Variants in PSD3 observed in about 807,000 individuals in gnomAD.
PSD3 encodes the protein PH and SEC7 domain-containing protein 3.
In PSD3, 49 loss-of-function variants were observed where a neutral mutation model predicts 105.5. The observed-to-expected ratio is 0.46, with a 90% confidence interval of 0.37 to 0.59. PSD3 has a LOEUF of 0.59. PSD3 is among the 20% of genes least tolerant of loss of function. PSD3 has a pLI of 0.00. For missense variants in PSD3, 1,561 were observed against 1,263.8 expected (o/e 1.24, Z -3.57); for synonymous variants, 557 against 457.8 (o/e 1.22, Z -2.77).
At chr8:18,984,688 T>A (rs1211079422) in intron 1 of PSD3, among the ~76,000 whole-genome samples, 1 of 152,224 alleles carries the variant, frequency 6.6e-6, no homozygotes, top group Non-Finnish European at 1.5e-5. Flanking sequence ...TTGAGGTTTT[T>A]AAATTTTTTC....
At chr8:18,836,218 T>C (rs556255201) in intron 4 of PSD3, among the ~76,000 whole-genome samples, 4 of 152,316 alleles carry the variant, frequency 2.6e-5, no homozygotes, top group South Asian at 2.1e-4. Context: ...TCACGTTTGA[T>C]GCAGCAGTTA....
At chr8:18,748,317 T>C (rs1344508758) in intron 9 of PSD3, among the ~76,000 whole-genome samples, 2 of 152,132 alleles carry the variant, frequency 1.3e-5, no homozygotes, top group African/African-American at 4.8e-5. Context: ...TTAAAGCTTA[T>C]AAATAAATTA....
intron 1 of PSD3, among the ~76,000 whole-genome samples, chr8:19,065,269 C>G (rs1258855508): frequency 1.3e-5 from 2 of 152,162 alleles, no homozygotes; most frequent in African/African-American, 4.8e-5. Flanking sequence ...CAGAAGATTT[C>G]TGTGACCAAA....
rs1167852627 is a variant in PSD3, at chr8:18,590,825, T to C, written c.2481+9539A>G. ...CAGAAGAAACAAAACCATAATTACA[T>C]ATCATTTCACAGTCACCAAATACCA... On this transcript the variant is annotated intron_variant, in intron 12 of 15. Transcript: ENST00000327040. Among the ~76,000 whole-genome samples, 4 of 152,290 alleles carry C rather than the reference T, an allele frequency of 2.6e-5. No individual in the cohort carries two copies. The South Asian group carries it at 6.2e-4, about 24-fold the overall frequency.
chr8:18,996,603 A>C (rs1180823409), intron 1 of PSD3, among the ~76,000 whole-genome samples: 2 of 151,884 alleles, frequency 1.3e-5, no homozygotes, highest in African/African-American at 4.8e-5. Context: ...TACTACATGA[A>C]GCATCATATT....
intron 1 of PSD3, among the ~76,000 whole-genome samples, chr8:19,010,873 A>G (rs552723674): frequency 1.3e-5 from 2 of 151,962 alleles, no homozygotes; most frequent in East Asian, 3.9e-4. Context: ...ACTCTTAGCA[A>G]AGGGAAGCCA....
intron 14 of PSD3, among the ~76,000 whole-genome samples, chr8:18,560,659 T>C (rs1237794160): frequency 6.6e-6 from 1 of 152,184 alleles, no homozygotes; most frequent in Admixed American, 6.5e-5. Flanking sequence ...CAACATTTTA[T>C]CTAAAAGGCA....
intron 1 of PSD3, among the ~76,000 whole-genome samples, chr8:18,946,268 A>T (rs34928360): frequency 6.6e-6 from 1 of 152,036 alleles, no homozygotes; most frequent in Non-Finnish European, 1.5e-5. Context: ...CATGTGTAGC[A>T]TTTTTTTCCT....
intron 1 of PSD3, among the ~76,000 whole-genome samples, chr8:19,083,196 A>C (rs1292077058): frequency 6.6e-6 from 1 of 152,024 alleles, no homozygotes; most frequent in Admixed American, 6.6e-5. Flanking sequence ...CCTCACCTCC[A>C]CCCTCATGCT....
intron 4 of PSD3, among the ~76,000 whole-genome samples, chr8:18,823,712 T>C (rs899252984): frequency 6.6e-6 from 1 of 151,958 alleles, no homozygotes; most frequent in Non-Finnish European, 1.5e-5. Flanking sequence ...CCTAAGTTTT[T>C]GGGAAAATGA....
At chr8:18,936,217 A>C in intron 1 of PSD3, 75 bp from the exon 2 acceptor site, 1 of 945,900 alleles carries the variant, frequency 1.1e-6, no homozygotes, top group Non-Finnish European at 1.7e-6. Context: ...AAATTATCCA[A>C]CATGAGATTG....
At chr8:18,741,369 T>G (rs1804561181) in intron 9 of PSD3, among the ~76,000 whole-genome samples, 1 of 152,200 alleles carries the variant, frequency 6.6e-6, no homozygotes, top group Non-Finnish European at 1.5e-5. Context: ...TTAACCAAGA[T>G]GATGTGACTC....
chr8:18,723,762 G>A (rs1365022828), intron 9 of PSD3, among the ~76,000 whole-genome samples: 1 of 152,122 alleles, frequency 6.6e-6, no homozygotes, highest in African/African-American at 2.4e-5. Context: ...TGAAAGCCAA[G>A]TACATAAAAA....
Position 18,559,262 on chromosome 8 carries a change from A to C in PSD3, c.2785-2910T>G, listed in dbSNP as rs376269150. Among the ~76,000 whole-genome samples the C allele has an allele frequency of 2.0e-4, 30 of 152,304 alleles. No individual in the cohort carries two copies. The East Asian group carries it at 3.9e-3, about 20-fold the overall frequency. On this transcript the variant is annotated intron_variant, in intron 14 of 15. Coordinates refer to ENST00000327040, the MANE Select transcript of PSD3 (RefSeq NM_015310.4). ...GGTCTGAAAGTTCTCTTTGTTTTAC[A>C]TTCTTGTCAAAATGTGATGTTATTA...
At chr8:18,972,185 T>C (rs191458899) in intron 1 of PSD3, among the ~76,000 whole-genome samples, 25 of 152,254 alleles carry the variant, frequency 1.6e-4, no homozygotes, top group Admixed American at 1.2e-3. Flanking sequence ...ACAAACCAAA[T>C]AGAGTGTCCT....
In PSD3 at chr8:18,532,108, T is replaced by C. The variant is rs1487481778; in HGVS notation, c.*3635A>G. 2 of 152,226 alleles carry C rather than the reference T, an allele frequency of 1.3e-5. No individual in the cohort carries two copies. Among genetic ancestry groups the C allele is most frequent in the Non-Finnish European group, 2.9e-5 (2 of 68,028 alleles). 9.4% of individuals were successfully genotyped at this position (152,226 alleles called of 1,614,324 possible). A position where few individuals can be genotyped will look rare whatever the true frequency, so the allele number is the denominator to read the frequency against. On this transcript the variant is annotated 3_prime_UTR_variant, in exon 16 of 16. Transcript: ENST00000327040. ...ACGTCAATTTTCTTCCAATTGTCAA[T>C]GATTAGTTAAAAAGAAAAGAGTGCA...
chr8:19,013,606 G>A lies in PSD3; in HGVS notation c.-23C>T, dbSNP rs753363228. On this transcript the variant is annotated 5_prime_UTR_variant, in exon 1 of 16. Coordinates refer to ENST00000327040, the MANE Select transcript of PSD3 (RefSeq NM_015310.4). The stretch of plus-strand genomic sequence containing the variant: ...CATCTTCCATCGCCAGCCCGGCCGC[G>A]CGCCGAAACCGCCGCCGGGCGCTCC... 23 of 1,443,026 alleles carry A rather than the reference G, an allele frequency of 1.6e-5. No individual in the cohort carries two copies. In the African/African-American group the frequency reaches 3.3e-4, roughly 20 times the overall value. The allele number at this position is 1,443,026 out of a possible 1,614,324, so 89.4% of individuals were successfully genotyped here.
chr8:18,540,914 C>G (rs541572361), intron 15 of PSD3, among the ~76,000 whole-genome samples: 1 of 152,242 alleles, frequency 6.6e-6, no homozygotes, highest in South Asian at 2.1e-4. Flanking sequence ...AATCTGCCTC[C>G]ATGGCACACA....
chr8:18,814,701 T>C (rs1357122452), intron 4 of PSD3, among the ~76,000 whole-genome samples: 9 of 152,228 alleles, frequency 5.9e-5, no homozygotes, highest in African/African-American at 1.7e-4. Context: ...ATTGTTTGCA[T>C]AGAAGCTTCT....
Sources: allele counts gnomAD v4.1 joint callset (sites outside exome capture counted in the v4.1 genomes callset), GRCh38; gene constraint gnomAD v4.1.1; transcripts MANE v1.5; gene names NCBI Gene and HGNC (gene_info 2026-07-23, HGNC 2026-07-21).